The following ENTHD1 variants were observed in gnomAD, a reference collection of about 807,000 sequenced individuals.
The protein encoded by ENTHD1 is ENTH domain containing 1.
Under a neutral mutation model 39.1 loss-of-function variants are expected in ENTHD1, and 23 were observed. The ratio of observed to expected loss-of-function variants is 0.59; its 90% CI spans 0.42 to 0.83. The LOEUF is 0.83. Among genes scored for constraint, ENTHD1 ranks in the 40% least tolerant of loss-of-function variants. The pLI, the probability that ENTHD1 is intolerant of heterozygous loss-of-function variation, is 0.00. For missense variants in ENTHD1, 624 were observed against 705.4 expected (o/e 0.88, Z 1.31); for synonymous variants, 230 against 258.2 (o/e 0.89, Z 1.05).
At position 39,883,855 on chromosome 22, in the gene ENTHD1, C is replaced by CAAA. The variant is rs137949; in HGVS notation, c.349+3542_349+3544dup. ...GATGACAGAGCAAGGCTCTGTCCCA[C>CAAA]AAAAAAAAAAAAAAAAAAAAGACAA... On this transcript the variant is annotated intron_variant, in intron 2 of 6. Transcript: ENST00000325157. Among the ~76,000 whole-genome samples, 210 of 68,476 alleles carry CAAA rather than the reference C, an allele frequency of 3.1e-3. 4 individuals are homozygous for CAAA. The highest frequency in any genetic ancestry group is 3.8e-3 in the Non-Finnish European group (139 of 36,480). The allele number at this position is 68,476 out of a possible 152,430, so 44.9% of individuals were successfully genotyped here.
intron 5 of ENTHD1, among the ~76,000 whole-genome samples, chr22:39,815,691 C>T (rs1047863287): frequency 4.7e-4 from 71 of 152,158 alleles, no homozygotes; most frequent in African/African-American, 1.7e-3. Context: ...TATACAAATG[C>T]AAAAACAGCA....
intron 5 of ENTHD1, among the ~76,000 whole-genome samples, chr22:39,811,604 G>T (rs984657380): frequency 2.6e-5 from 4 of 152,204 alleles, no homozygotes; most frequent in Non-Finnish European, 4.4e-5. Flanking sequence ...AAGTGACTCT[G>T]TCAGCTCACA....
intron 5 of ENTHD1, among the ~76,000 whole-genome samples, chr22:39,778,140 C>A (rs1161109061): frequency 6.6e-6 from 1 of 152,172 alleles, no homozygotes; most frequent in Non-Finnish European, 1.5e-5. Context: ...TGGCACACAG[C>A]AAACTCTATT....
intron 3 of ENTHD1, 23 bp from the exon 4 acceptor site, chr22:39,835,981 G>T (rs190190311): frequency 1.3e-6 from 2 of 1,553,390 alleles, no homozygotes; most frequent in Non-Finnish European, 1.8e-6. Context: ...TAAAGCTTAA[G>T]ATTTTACTTT....
chr22:39,798,304 A>G (rs1051325257), intron 5 of ENTHD1, among the ~76,000 whole-genome samples: 5 of 151,856 alleles, frequency 3.3e-5, no homozygotes, highest in African/African-American at 9.7e-5. Context: ...GTTCTTTATA[A>G]TATCTATCTC....
chr22:39,875,482 G>C lies in ENTHD1; in HGVS notation c.349+11918C>G, dbSNP rs1026275554. Reference sequence around the variant, plus strand: ...GCGGCCAGGCCGTGCGCCGGCCTTTGGTCGCCTCCGTGGGCCTCAATGTCC... The same window carrying C: ...GCGGCCAGGCCGTGCGCCGGCCTTTCGTCGCCTCCGTGGGCCTCAATGTCC... On this transcript the variant is annotated intron_variant, in intron 2 of 6. Transcript: ENST00000325157. 7 of 1,562,612 alleles carry C rather than the reference G, an allele frequency of 4.5e-6. No homozygotes were observed. The African/African-American group carries it at 9.5e-5, about 21-fold the overall frequency.
At chr22:39,806,805 G>A (rs2065644434) in intron 5 of ENTHD1, among the ~76,000 whole-genome samples, 1 of 152,106 alleles carries the variant, frequency 6.6e-6, no homozygotes. Context: ...AGGCTTTCTG[G>A]GAAAAGTGAC....
chr22:39,810,427 C>T (rs950643313), intron 5 of ENTHD1, among the ~76,000 whole-genome samples: 2 of 152,272 alleles, frequency 1.3e-5, no homozygotes, highest in East Asian at 1.9e-4. Context: ...ATGGTGAGAA[C>T]AGACCTGCTT....
chr22:39,862,232 A>G (rs1033612364), intron 2 of ENTHD1, among the ~76,000 whole-genome samples: 3 of 152,152 alleles, frequency 2.0e-5, no homozygotes, highest in African/African-American at 4.8e-5. Flanking sequence ...TTCACTTTAA[A>G]TACATTATTG....
chr22:39,808,898 A>G (rs1328512199), intron 5 of ENTHD1, among the ~76,000 whole-genome samples: 1 of 152,148 alleles, frequency 6.6e-6, no homozygotes, highest in African/African-American at 2.4e-5. Flanking sequence ...TCATGCATGA[A>G]TCATGCTTTC....
At chr22:39,827,619 C>A (rs1370373743) in intron 4 of ENTHD1, among the ~76,000 whole-genome samples, 1 of 152,108 alleles carries the variant, frequency 6.6e-6, no homozygotes, top group Middle Eastern at 3.2e-3. Flanking sequence ...TAAAAATTTT[C>A]TTCCTCTCAG....
chr22:39,756,602 A>C lies in ENTHD1; in HGVS notation c.1219+8621T>G, dbSNP rs569479718. Among the ~76,000 whole-genome samples, 85 of 152,208 alleles carry C rather than the reference A, an allele frequency of 5.6e-4. 1 individual carries two copies. The highest frequency in any genetic ancestry group is 1.9e-3 in the African/African-American group (81 of 41,554). ...CCTGCCTTGGCCTCCCAAAGTGCTG[A>C]GATTACAGGCATGAGCCACAGTGCC... On this transcript the variant is annotated intron_variant, in intron 6 of 6. Coordinates refer to ENST00000325157, the MANE Select transcript of ENTHD1 (RefSeq NM_152512.4).
intron 2 of ENTHD1, among the ~76,000 whole-genome samples, chr22:39,872,605 C>G (rs1197001682): frequency 9.2e-5 from 14 of 152,074 alleles, no homozygotes; most frequent in Non-Finnish European, 2.9e-5. Context: ...AGCTTAAAGG[C>G]TTAGTTCTTA....
chr22:39,800,566 A>G (rs943559749), intron 5 of ENTHD1, among the ~76,000 whole-genome samples: 1 of 152,188 alleles, frequency 6.6e-6, no homozygotes, highest in African/African-American at 2.4e-5. Flanking sequence ...AACTTCATGC[A>G]AAAGTCTGAG....
intron 3 of ENTHD1, among the ~76,000 whole-genome samples, chr22:39,838,268 C>T (rs1289184410): frequency 6.6e-6 from 1 of 152,082 alleles, no homozygotes; most frequent in African/African-American, 2.4e-5. Flanking sequence ...GTAAATTACT[C>T]CTTATGACTG....
chr22:39,860,562 CTA>C (rs2066131621), intron 3 of ENTHD1, among the ~76,000 whole-genome samples: 2 of 152,354 alleles, frequency 1.3e-5, no homozygotes, highest in African/African-American at 4.8e-5. Flanking sequence ...GATGTTCACT[CTA>C]TGTCTCACTG....
intron 5 of ENTHD1, among the ~76,000 whole-genome samples, chr22:39,808,289 C>T (rs913129914): frequency 1.3e-5 from 2 of 152,220 alleles, no homozygotes; most frequent in South Asian, 2.1e-4. Context: ...TGTACATGTT[C>T]GTGTCCTCTC....
chr22:39,745,914 T>G (rs1235967779), intron 6 of ENTHD1, among the ~76,000 whole-genome samples: 1 of 152,186 alleles, frequency 6.6e-6, no homozygotes, highest in Non-Finnish European at 1.5e-5. Context: ...TTCTTATTCA[T>G]TGCATGTAAC....
chr22:39,815,336 G>C (rs2065724812), intron 5 of ENTHD1, among the ~76,000 whole-genome samples: 1 of 151,984 alleles, frequency 6.6e-6, no homozygotes, highest in Admixed American at 6.6e-5. Context: ...CCAGCTACTT[G>C]GGAGGCTGAG....
Sources: gnomAD v4.1 joint callset for allele counts (sites outside exome capture counted in the v4.1 genomes callset) on GRCh38, gnomAD v4.1.1 for gene constraint, MANE v1.5 for transcripts, NCBI Gene and HGNC (gene_info 2026-07-23, HGNC 2026-07-21) for gene names.